Variants in ASB2 observed in about 807,000 individuals in gnomAD.
ASB2 encodes the protein ankyrin repeat and SOCS box protein 2.
Under a neutral mutation model 62.4 loss-of-function variants are expected in ASB2, and 58 were observed. The observed-to-expected ratio is 0.93, with a 90% CI of 0.75 to 1.16. ASB2 has a LOEUF of 1.16. Ranked by LOEUF, ASB2 falls within the 50% of genes most tolerant of loss-of-function variation. The probability of loss-of-function intolerance (pLI) is 0.00; values close to 1 mark genes in which losing one functional copy is unlikely to be tolerated. For missense variants in ASB2, 928 were observed against 887.9 expected (o/e 1.05, Z -0.57); for synonymous variants, 386 against 385.3 (o/e 1.00, Z -0.02).
At chr14:93,948,282 A>G (rs1489882161) in intron 6 of ASB2, 2 of 154,344 alleles carry the variant, frequency 1.3e-5, no homozygotes, top group Non-Finnish European at 2.9e-5. Flanking sequence ...TTGAACCCAG[A>G]TGGTCTGATG....
intron 9 of ASB2, among the ~76,000 whole-genome samples, chr14:93,936,932 G>A (rs562092929): frequency 2.6e-5 from 4 of 152,348 alleles, no homozygotes; most frequent in Non-Finnish European, 4.4e-5. Flanking sequence ...CTCCAAAAAT[G>A]CCTAAGAGGG....
In ASB2 at chr14:93,956,838, CG is replaced by C. The variant is rs753962132; in HGVS notation, c.238del (p.Arg80GlyfsTer30). On this transcript the variant is annotated frameshift_variant, in exon 3 of 10. Transcript: ENST00000555019. LOFTEE classifies it high-confidence loss of function. ...CCCTTGGAACAAGCCCATTGGGGCC[CG>C]GGCCGGCGAACTCTCAGGAGGTGCA... ...STAPPESSPA[R>X]APMGLFQGVM... 6 of 1,614,068 alleles carry C rather than the reference CG, an allele frequency of 3.7e-6. No homozygotes were observed. The highest frequency in any genetic ancestry group is 4.2e-6 in the Non-Finnish European group (5 of 1,180,032).
Position 93,939,478 on chromosome 14 carries a change from T to A in ASB2, c.1247A>T (p.Tyr416Phe). ...CACGTTGTTGTTGACCACCGCGAAG[T>A]ACAGCGCGGAGCTGCGCCGGTCTTC... is the stretch of plus-strand genomic sequence containing the variant. Reference protein sequence around the residue: ...LYEDRRSSALYFAVVNNNVYA... With the variant: ...LYEDRRSSALFFAVVNNNVYA... The change falls in exon 8 of 10, where the codon TAC (tyrosine) becomes TTC (phenylalanine). Residue 416 changes from tyrosine to phenylalanine, a missense_variant. Transcript: ENST00000555019. The A allele has an allele frequency of 6.2e-7, 1 of 1,612,052 alleles. No homozygotes were observed. The highest frequency in any genetic ancestry group is 8.5e-7 in the Non-Finnish European group (1 of 1,179,616).
rs769820315 is a variant in ASB2, at chr14:93,947,333, C to T, written c.1052+16G>A. 3.7e-6 allele frequency: 6 copies of T among 1,612,904 alleles called. No individual in the cohort carries two copies. The highest frequency in any genetic ancestry group is 1.1e-5 in the South Asian group (1 of 91,060). On this transcript the variant is annotated intron_variant, in intron 7 of 9. Coordinates refer to ENST00000555019, the MANE Select transcript of ASB2 (RefSeq NM_001202429.2). ...CTCGGGAGAGCTGCCTGGGTGCTGGCGGAGCCTGGGCTGACCTGTAGTTGC... is the reference window on the plus strand; with the variant it reads ...CTCGGGAGAGCTGCCTGGGTGCTGGTGGAGCCTGGGCTGACCTGTAGTTGC...
At chr14:93,956,744 G>A (rs369368453) in intron 3 of ASB2, 22 bp downstream of exon 3, 3 of 1,613,754 alleles carry the variant, frequency 1.9e-6, no homozygotes, top group African/African-American at 2.7e-5. Flanking sequence ...GATGGTCCTG[G>A]GGCCAGACAG....
chr14:93,953,581 GC>G, intron 4 of ASB2, 74 bp from the exon 5 acceptor site: 1 of 1,285,400 alleles, frequency 7.8e-7, no homozygotes. Context: ...TTTCCCGATT[GC>G]CTCCCAATTT....
chr14:93,941,710 G>C, intron 7 of ASB2: 1 of 456,090 alleles, frequency 2.2e-6, no homozygotes, highest in Non-Finnish European at 4.4e-6. Flanking sequence ...GGGCTGCCCC[G>C]GGGCCGCTGG....
Position 93,953,513 on chromosome 14 carries a change from G to C in ASB2, c.479-6C>G. On this transcript the variant is annotated splice_region_variant and splice_polypyrimidine_tract_variant and intron_variant, in intron 4 of 9. Transcript: ENST00000555019. Reference sequence around the variant, plus strand: ...GTCGATGGTCCCTGGGTACGCTAGGGAGGGCCCACCGGGAAATTCATGTAG... The same window carrying C: ...GTCGATGGTCCCTGGGTACGCTAGGCAGGGCCCACCGGGAAATTCATGTAG... 7 of 1,566,812 alleles carry C rather than the reference G, an allele frequency of 4.5e-6. No individual in the cohort carries two copies. The Admixed American group carries it at 5.4e-5, about 12-fold the overall frequency.
Position 93,937,819 on chromosome 14 carries a change from G to A in ASB2, c.1650C>T (p.Ser550=). ...CATCGATGATGGGCCCCGCCCAGCG[G>A]CTCACCTCTGGGGCAGATACGAACT... The part of the protein sequence containing the change: ...FCEFVSAPEV[S]RWAGPIIDVL... The change falls in exon 9 of 10, where the codon AGC becomes AGT. Residue 550 remains serine (S), a synonymous_variant. Coordinates refer to ENST00000555019, the MANE Select transcript of ASB2 (RefSeq NM_001202429.2). The A allele has an allele frequency of 6.2e-7, 1 of 1,608,686 alleles. No homozygotes were observed. Among genetic ancestry groups the A allele is most frequent in the Non-Finnish European group, 8.5e-7 (1 of 1,175,532 alleles).
chr14:93,957,647 G>A (rs1468824312), intron 2 of ASB2, among the ~76,000 whole-genome samples: 2 of 152,202 alleles, frequency 1.3e-5, no homozygotes, highest in East Asian at 1.9e-4. Context: ...GCTTAGTGGA[G>A]TGTGAGGCAC....
chr14:93,961,440 G>A (rs556415667), intron 2 of ASB2, among the ~76,000 whole-genome samples: 1 of 152,356 alleles, frequency 6.6e-6, no homozygotes, highest in South Asian at 2.1e-4. Context: ...GTCAGACACA[G>A]CGCTTCACTG....
chr14:93,974,260 C>T (rs1350543896), intron 1 of ASB2, among the ~76,000 whole-genome samples: 1 of 152,196 alleles, frequency 6.6e-6, no homozygotes, highest in African/African-American at 2.4e-5. Flanking sequence ...TTAGGAATTT[C>T]AATTTACCTT....
At chr14:93,963,645 G>A (rs920668647) in intron 2 of ASB2, among the ~76,000 whole-genome samples, 5 of 152,042 alleles carry the variant, frequency 3.3e-5, no homozygotes, top group Non-Finnish European at 5.9e-5. Context: ...AAGACTTGAT[G>A]GGCAAAAAGA....
At chr14:93,964,723 T>G (rs1251530782) in intron 1 of ASB2, 111 bp from the exon 2 acceptor site, 7 of 627,504 alleles carry the variant, frequency 1.1e-5, no homozygotes, top group Non-Finnish European at 2.0e-5. Context: ...ATTTCTAAAT[T>G]TATTCATTGG....
chr14:93,972,304 A>C (rs2141323714), intron 1 of ASB2, among the ~76,000 whole-genome samples: 1 of 152,078 alleles, frequency 6.6e-6, no homozygotes, highest in East Asian at 1.9e-4. Flanking sequence ...CCCAGGATCC[A>C]GGGTGGTCCT....
At chr14:93,936,438 T>C (rs1005256920) in intron 9 of ASB2, among the ~76,000 whole-genome samples, 8 of 152,210 alleles carry the variant, frequency 5.3e-5, no homozygotes, top group Non-Finnish European at 1.2e-4. Flanking sequence ...TACCTAGGCA[T>C]AGACTGCTCC....
intron 2 of ASB2, among the ~76,000 whole-genome samples, chr14:93,962,655 G>A (rs1889453504): frequency 6.6e-6 from 1 of 152,196 alleles, no homozygotes; most frequent in African/African-American, 2.4e-5. Flanking sequence ...GGCAGAGTCA[G>A]GGTCTGGATG....
At chr14:93,959,056 C>G (rs143340739) in intron 2 of ASB2, among the ~76,000 whole-genome samples, 1 of 152,082 alleles carries the variant, frequency 6.6e-6, no homozygotes, top group East Asian at 1.9e-4. Context: ...AAAGTCATGC[C>G]GAGCCTCTCC....
chr14:93,958,082 G>A (rs1024234691), intron 2 of ASB2, among the ~76,000 whole-genome samples: 15 of 152,160 alleles, frequency 9.9e-5, no homozygotes, highest in African/African-American at 2.9e-4. Context: ...GGTGGCAGGA[G>A]GAGGGGAACC....
Sources: allele counts gnomAD v4.1 joint callset (sites outside exome capture counted in the v4.1 genomes callset), GRCh38; gene constraint gnomAD v4.1.1; transcripts MANE v1.5; gene names NCBI Gene and HGNC (gene_info 2026-07-23, HGNC 2026-07-21).